The following PRORP variants were observed in gnomAD, a reference collection of about 807,000 sequenced individuals.
The protein encoded by PRORP is mitochondrial ribonuclease P catalytic subunit.
In PRORP, 51 loss-of-function variants were observed where a neutral mutation model predicts 59.4. The observed-to-expected ratio is 0.86, with a 90% confidence interval of 0.69 to 1.08. The LOEUF (loss-of-function observed/expected upper bound fraction) is 1.08. Among genes scored for constraint, PRORP ranks in the 50% least tolerant of loss-of-function variants. PRORP has a pLI of 0.00. For synonymous variants in PRORP, 231 were observed against 245.6 expected (o/e 0.94, Z 0.55); for missense variants, 646 against 690.3 (o/e 0.94, Z 0.72).
Position 35,275,453 on chromosome 14 carries a change from G to A in PRORP, c.*1887G>A, listed in dbSNP as rs1204848788. On this transcript the variant is annotated 3_prime_UTR_variant, in exon 8 of 8. Coordinates refer to ENST00000534898, the MANE Select transcript of PRORP (RefSeq NM_014672.4). ...CAGGAAAACATTGGATATATTGAGAGCATTAAAAGATACTGCAAAAGCTCT... is the reference window on the plus strand; with the variant it reads ...CAGGAAAACATTGGATATATTGAGAACATTAAAAGATACTGCAAAAGCTCT... 1.3e-5 allele frequency: 2 copies of A among 152,074 alleles called. No individual in the cohort carries two copies. The highest frequency in any genetic ancestry group is 3.9e-4 in the East Asian group (2 of 5,180). 9.4% of individuals were successfully genotyped at this position (152,074 alleles called of 1,614,324 possible). A position where few individuals can be genotyped will look rare whatever the true frequency, so the allele number is the denominator to read the frequency against.
At chr14:35,203,510 G>A (rs900581043) in intron 5 of PRORP, among the ~76,000 whole-genome samples, 2 of 152,032 alleles carry the variant, frequency 1.3e-5, no homozygotes, top group African/African-American at 4.8e-5. Context: ...CTGCACGACA[G>A]AGTGATACCC....
intron 4 of PRORP, among the ~76,000 whole-genome samples, chr14:35,173,412 T>A (rs1262475688): frequency 6.6e-6 from 1 of 152,202 alleles, no homozygotes; most frequent in Non-Finnish European, 1.5e-5. Context: ...AGATCTCTGC[T>A]TAGGTCTTTC....
Position 35,152,478 on chromosome 14 carries a change from A to T in PRORP, c.1167+24867A>T, listed in dbSNP as rs553287758. ...CCCAGACGGGATGGTGGCCGGGCAG[A>T]GGGGCTCCTCACTTCCCAGAAGGGG... is the stretch of plus-strand genomic sequence containing the variant. On this transcript the variant is annotated intron_variant, in intron 4 of 7. Coordinates refer to ENST00000534898, the MANE Select transcript of PRORP (RefSeq NM_014672.4). 2.6e-5 allele frequency among the ~76,000 whole-genome samples: 4 copies of T among 152,298 alleles called. No homozygotes were observed. The South Asian group carries it at 6.2e-4, about 24-fold the overall frequency.
intron 4 of PRORP, among the ~76,000 whole-genome samples, chr14:35,144,905 CA>C (rs1256867002): frequency 6.9e-6 from 1 of 145,652 alleles, no homozygotes; most frequent in African/African-American, 2.4e-5. Context: ...AGCATATTAA[CA>C]AAGGAAGCTA....
chr14:35,246,510 G>T (rs1229255709), intron 5 of PRORP, among the ~76,000 whole-genome samples: 1 of 152,090 alleles, frequency 6.6e-6, no homozygotes, highest in African/African-American at 2.4e-5. Flanking sequence ...TTGAAAATTG[G>T]GTTGGTTCTT....
intron 5 of PRORP, among the ~76,000 whole-genome samples, chr14:35,206,621 A>G (rs2049301045): frequency 6.6e-6 from 1 of 152,338 alleles, no homozygotes; most frequent in East Asian, 1.9e-4. Context: ...CTTCTCTACC[A>G]TAAGTCTATA....
chr14:35,215,778 T>C (rs368522779), intron 5 of PRORP, among the ~76,000 whole-genome samples: 11 of 151,606 alleles, frequency 7.3e-5, no homozygotes, highest in African/African-American at 1.2e-4. Flanking sequence ...TTTTTTTTTT[T>C]CTTGGGGGGA....
intron 2 of PRORP, among the ~76,000 whole-genome samples, chr14:35,124,756 A>G (rs1050416742): frequency 6.7e-6 from 1 of 149,482 alleles, no homozygotes; most frequent in African/African-American, 2.5e-5. Flanking sequence ...TCATAGCAAG[A>G]AAAGAATATA....
At chr14:35,125,473 C>T (rs1173337358) in intron 2 of PRORP, among the ~76,000 whole-genome samples, 1 of 152,074 alleles carries the variant, frequency 6.6e-6, no homozygotes, top group African/African-American at 2.4e-5. Flanking sequence ...CCAGGCTGGA[C>T]TCAAACTCTT....
rs1185458551 is a variant in PRORP, at chr14:35,140,840, A to T, written c.1167+13229A>T. Among the ~76,000 whole-genome samples the T allele has an allele frequency of 1.4e-5, 2 of 146,056 alleles. 1 individual carries two copies. The highest frequency in any genetic ancestry group is 3.0e-5 in the Non-Finnish European group (2 of 65,632). On this transcript the variant is annotated intron_variant, in intron 4 of 7. Transcript: ENST00000534898. The stretch of plus-strand genomic sequence containing the variant: ...TTTTGGGAGAAAAATCTCAGTTATT[A>T]TATAAGGTAATTTTTTAGCTTTTCT...
At chr14:35,169,731 G>A (rs2415269) in intron 4 of PRORP, among the ~76,000 whole-genome samples, 29,816 of 152,132 alleles carry the variant, frequency 0.2, 3,689 homozygotes, top group East Asian at 0.33. Context: ...TGAGATTTGG[G>A]TGGGGACACA....
intron 4 of PRORP, among the ~76,000 whole-genome samples, chr14:35,155,284 G>C (rs1016107245): frequency 6.6e-6 from 1 of 152,140 alleles, no homozygotes. Flanking sequence ...CTGGGAAATA[G>C]GGGATGGAAT....
intron 5 of PRORP, among the ~76,000 whole-genome samples, chr14:35,208,918 G>A (rs1258531125): frequency 1.3e-5 from 2 of 152,124 alleles, no homozygotes; most frequent in South Asian, 2.1e-4. Flanking sequence ...TCTGAGGCAC[G>A]AGAATCACTT....
chr14:35,206,083 G>A (rs2049286254), intron 5 of PRORP, among the ~76,000 whole-genome samples: 1 of 152,188 alleles, frequency 6.6e-6, no homozygotes, highest in Admixed American at 6.5e-5. Context: ...AAAAAAAAAT[G>A]TTGAATGAAT....
Position 35,147,877 on chromosome 14 carries a change from G to C in PRORP, c.1167+20266G>C, listed in dbSNP as rs188086294. On this transcript the variant is annotated intron_variant, in intron 4 of 7. Coordinates refer to ENST00000534898, the MANE Select transcript of PRORP (RefSeq NM_014672.4). ...TATTTACAACGTGTCTACTAGGAGT[G>C]AGTTTTATTTCAAGAAACCACTTTC... is the stretch of plus-strand genomic sequence containing the variant. Among the ~76,000 whole-genome samples the C allele has an allele frequency of 4.6e-5, 7 of 152,330 alleles. No individual in the cohort carries two copies. The South Asian group carries it at 1.5e-3, about 32-fold the overall frequency.
chr14:35,195,940 G>A (rs532621465), intron 5 of PRORP, among the ~76,000 whole-genome samples: 1 of 152,216 alleles, frequency 6.6e-6, no homozygotes, highest in East Asian at 1.9e-4. Context: ...ATATGTTAAG[G>A]AGTCCAAGGA....
intron 5 of PRORP, among the ~76,000 whole-genome samples, chr14:35,185,368 A>G (rs1595264404): frequency 6.6e-6 from 1 of 151,766 alleles, no homozygotes; most frequent in Non-Finnish European, 1.5e-5. Context: ...TTTTAATGGG[A>G]TTGTTTTTCT....
chr14:35,182,266 A>G (rs1273774034), intron 5 of PRORP, among the ~76,000 whole-genome samples: 6 of 152,172 alleles, frequency 3.9e-5, no homozygotes, highest in African/African-American at 1.2e-4. Flanking sequence ...ACTACATCTC[A>G]AAAAATAAAA....
chr14:35,215,968 C>T (rs1199897375), intron 5 of PRORP, among the ~76,000 whole-genome samples: 2 of 151,308 alleles, frequency 1.3e-5, no homozygotes, highest in South Asian at 4.2e-4. Flanking sequence ...GGTTTCACCA[C>T]GTTGGCCAGC....
Sources: gnomAD v4.1 joint callset for allele counts (sites outside exome capture counted in the v4.1 genomes callset) on GRCh38, gnomAD v4.1.1 for gene constraint, MANE v1.5 for transcripts, NCBI Gene and HGNC (gene_info 2026-07-23, HGNC 2026-07-21) for gene names.